ZNF564: variants seen among roughly 807,000 people sequenced by gnomAD.
The protein encoded by ZNF564 is zinc finger protein 564.
Under a neutral mutation model 10.5 loss-of-function variants are expected in ZNF564, and 5 were observed. That is an observed-to-expected ratio of 0.48 (90% CI 0.25 to 1.00). The LOEUF (loss-of-function observed/expected upper bound fraction) is 1.00. ZNF564 is among the 50% of genes least tolerant of loss of function. The probability of loss-of-function intolerance (pLI) is 0.16; values close to 1 mark genes in which losing one functional copy is unlikely to be tolerated. For synonymous variants in ZNF564, 242 were observed against 218.1 expected (o/e 1.11, Z -0.97); for missense variants, 603 against 669.7 (o/e 0.90, Z 1.10).
chr19:12,528,161 C>T, intron 3 of ZNF564, 143 bp downstream of exon 3: 2 of 887,562 alleles, frequency 2.3e-6, no homozygotes, highest in Non-Finnish European at 3.5e-6. Flanking sequence ...CACTGAACAT[C>T]TATGCCACTT....
chr19:12,543,825 C>T lies in ZNF564; in HGVS notation c.3+7505G>A, dbSNP rs77958461. 6.0e-3 allele frequency among the ~76,000 whole-genome samples: 913 copies of T among 152,158 alleles called. 3 individuals carry two copies. The highest frequency in any genetic ancestry group is 9.6e-3 in the Non-Finnish European group (651 of 68,002). ...ATACTGAAATTCTAACTCCTAATGT[C>T]GTTGCATTAGGAGGTGGCATCTTTG... On this transcript the variant is annotated intron_variant, in intron 1 of 3. Coordinates refer to ENST00000339282, the MANE Select transcript of ZNF564 (RefSeq NM_144976.4).
intron 1 of ZNF564, among the ~76,000 whole-genome samples, chr19:12,542,014 C>CAAAAAAAAA (rs74180077): frequency 1.8e-5 from 1 of 56,266 alleles, no homozygotes. Flanking sequence ...AGACTCTGTC[C>CAAAAAAAAA]AAAAAAAAAA....
intron 1 of ZNF564, among the ~76,000 whole-genome samples, chr19:12,545,279 A>AG (rs1286489884): frequency 1.3e-4 from 20 of 150,954 alleles, no homozygotes; most frequent in African/African-American, 3.4e-4. Flanking sequence ...AAAAAAAAAA[A>AG]AAAGAAATGA....
Position 12,526,687 on chromosome 19 carries a change from T to A in ZNF564, c.1421A>T (p.Glu474Val). The A allele has an allele frequency of 6.2e-7, 1 of 1,614,190 alleles. No homozygotes were observed. Among genetic ancestry groups the A allele is most frequent in the South Asian group, 1.1e-5 (1 of 91,082 alleles). ...VRTHERTHTG[E>V]KPYECKECGK... Reference sequence around the variant, plus strand: ...ACATTCTTTACATTCATAGGGTTTTTCTCCAGTATGAGTTCTTTCATGTGT... The same window carrying A: ...ACATTCTTTACATTCATAGGGTTTTACTCCAGTATGAGTTCTTTCATGTGT... Residue 474 changes from glutamate (E) to valine (V), a missense_variant, in exon 4 of 4, where the codon GAA becomes GTA. Physicochemically the swap from Glu to Val is moderately radical, Grantham distance 121 (BLOSUM62 -2). Coordinates refer to ENST00000339282, the MANE Select transcript of ZNF564 (RefSeq NM_144976.4).
chr19:12,545,089 C>T (rs1040078749), intron 1 of ZNF564, among the ~76,000 whole-genome samples: 2 of 151,892 alleles, frequency 1.3e-5, no homozygotes, highest in African/African-American at 2.4e-5. Context: ...AGAAACCCCC[C>T]GTCTCTACTA....
At chr19:12,548,834 C>G in intron 1 of ZNF564, 1 of 702,904 alleles carries the variant, frequency 1.4e-6, no homozygotes, top group Non-Finnish European at 2.6e-6. Flanking sequence ...GGATACAGAA[C>G]AGTTATCCAT....
Position 12,527,367 on chromosome 19 carries a change from G to A in ZNF564, c.741C>T (p.His247=). The change falls in exon 4 of 4, where the codon CAC becomes CAT. Residue 247 remains histidine (H), a synonymous_variant. Coordinates refer to ENST00000339282, the MANE Select transcript of ZNF564 (RefSeq NM_144976.4). ...LPSFQRHMIR[H]TGDGPYKCQE... is the part of the protein sequence containing the mutation. Reference sequence around the variant, plus strand: ...GACATTTATAAGGTCCATCTCCAGTGTGCCTAATCATGTGTCTTTGAAAAC... The same window carrying A: ...GACATTTATAAGGTCCATCTCCAGTATGCCTAATCATGTGTCTTTGAAAAC... 6.2e-7 allele frequency: 1 copy of A among 1,614,130 alleles called. No homozygotes were observed. The highest frequency in any genetic ancestry group is 8.5e-7 in the Non-Finnish European group (1 of 1,180,026).
At chr19:12,533,524 G>A (rs1212290207) in intron 1 of ZNF564, among the ~76,000 whole-genome samples, 6 of 151,886 alleles carry the variant, frequency 4.0e-5, no homozygotes, top group Non-Finnish European at 8.8e-5. Flanking sequence ...GCCAGGAATT[G>A]GAGACCAGCC....
chr19:12,537,357 C>A (rs1410141969), intron 1 of ZNF564, among the ~76,000 whole-genome samples: 9 of 152,116 alleles, frequency 5.9e-5, no homozygotes, highest in African/African-American at 2.2e-4. Context: ...ATTCCCTAAA[C>A]AACACAATAT....
At position 12,526,905 on chromosome 19, in the gene ZNF564, G is replaced by C. The variant is rs1410466078; in HGVS notation, c.1203C>G (p.Ala401=). 8 of 1,614,144 alleles carry C rather than the reference G, an allele frequency of 5.0e-6. No individual in the cohort carries two copies. The South Asian group carries it at 8.8e-5, about 18-fold the overall frequency. ...TTTGAAATGAACTGGGACAGTCAAA[G>C]GCTCTACCACATACCTGACATTTAT... The part of the protein sequence containing the change: ...GPYKCQVCGR[A]FDCPSSFQIH... The change falls in exon 4 of 4, where the codon GCC becomes GCG. Residue 401 remains alanine, a synonymous_variant. Coordinates refer to ENST00000339282, the MANE Select transcript of ZNF564 (RefSeq NM_144976.4).
At chr19:12,537,328 AC>A (rs1279257037) in intron 1 of ZNF564, among the ~76,000 whole-genome samples, 1 of 152,184 alleles carries the variant, frequency 6.6e-6, no homozygotes, top group Non-Finnish European at 1.5e-5. Flanking sequence ...ACATGTACAG[AC>A]TTTTTCTTCT....
At position 12,548,287 on chromosome 19, in the gene ZNF564, G is replaced by A. The variant is rs759493882; in HGVS notation, c.3+3043C>T. On this transcript the variant is annotated intron_variant, in intron 1 of 3. Coordinates refer to ENST00000339282, the MANE Select transcript of ZNF564 (RefSeq NM_144976.4). ...GGCTGGAGTCCAGTGGCACGATCCC[G>A]GCTCACTGCAACCTCCGCCTCCCGG... 14 of 547,516 alleles carry A rather than the reference G, an allele frequency of 2.6e-5. No homozygotes were observed. In the East Asian group the frequency reaches 8.9e-4, roughly 35 times the overall value. The allele number at this position is 547,516 out of a possible 1,614,324, so 33.9% of individuals were successfully genotyped here.
rs1409783626 is a variant in ZNF564 at position 12,526,779 on chromosome 19, G to A, written c.1329C>T (p.His443=). The part of the protein sequence containing the change: ...LKRIRKHMIL[H]TGDGPYKCQV... Reference sequence around the variant, plus strand: ...GACATTTATAAGGTCCATCTCCAGTGTGCAGTATCATATGTTTTCTAATCC... The same window carrying A: ...GACATTTATAAGGTCCATCTCCAGTATGCAGTATCATATGTTTTCTAATCC... The change falls in exon 4 of 4, where the codon CAC becomes CAT. Residue 443 remains histidine (H), a synonymous_variant. Coordinates refer to ENST00000339282, the MANE Select transcript of ZNF564 (RefSeq NM_144976.4). 9 of 1,614,012 alleles carry A rather than the reference G, an allele frequency of 5.6e-6. No individual in the cohort carries two copies. In the South Asian group the frequency reaches 9.9e-5, roughly 18 times the overall value.
At chr19:12,536,202 G>A (rs1465382603) in intron 1 of ZNF564, among the ~76,000 whole-genome samples, 1 of 151,828 alleles carries the variant, frequency 6.6e-6, no homozygotes, top group Non-Finnish European at 1.5e-5. Context: ...TTTGAGACAG[G>A]GTCTCATTTT....
chr19:12,545,598 T>C (rs1445065275), intron 1 of ZNF564, among the ~76,000 whole-genome samples: 5 of 152,156 alleles, frequency 3.3e-5, no homozygotes, highest in Non-Finnish European at 7.3e-5. Flanking sequence ...AACAACTGTG[T>C]ACAAATCGTG....
In ZNF564 at chr19:12,538,341, T is replaced by A. The variant is rs967323481; in HGVS notation, c.4-9645A>T. 2.3e-4 allele frequency among the ~76,000 whole-genome samples: 35 copies of A among 150,412 alleles called. 1 individual carries two copies. The highest frequency in any genetic ancestry group is 5.8e-4 in the East Asian group (3 of 5,148). On this transcript the variant is annotated intron_variant, in intron 1 of 3. Transcript: ENST00000339282. ...CCTGTCTCTATTAAAAAAAAAAAAA[T>A]TTGGCCAGGCGCAGTGGCTCACGCC...
intron 1 of ZNF564, among the ~76,000 whole-genome samples, chr19:12,542,957 A>C (rs1028373247): frequency 6.6e-6 from 1 of 151,942 alleles, no homozygotes; most frequent in Non-Finnish European, 1.5e-5. Flanking sequence ...AGCCAAGATC[A>C]TGCCGTTGCA....
intron 1 of ZNF564, among the ~76,000 whole-genome samples, chr19:12,542,557 G>A (rs1175970668): frequency 2.0e-5 from 3 of 151,248 alleles, no homozygotes; most frequent in Non-Finnish European, 4.4e-5. Context: ...AGAGTTGTAG[G>A]CTGCAGTGAG....
At chr19:12,529,877 G>A (rs1216274134) in intron 1 of ZNF564, 1 of 151,628 alleles carries the variant, frequency 6.6e-6, no homozygotes, top group East Asian at 1.9e-4. Flanking sequence ...CCAGCTACTT[G>A]GGAGGCTGAG....
Sources: allele counts gnomAD v4.1 joint callset (sites outside exome capture counted in the v4.1 genomes callset), GRCh38; gene constraint gnomAD v4.1.1; transcripts MANE v1.5; gene names NCBI Gene and HGNC (gene_info 2026-07-23, HGNC 2026-07-21).